ASPH: variants seen among roughly 807,000 people sequenced by gnomAD.
ASPH encodes aspartyl/asparaginyl beta-hydroxylase.
In ASPH, 100 loss-of-function variants were observed where a neutral mutation model predicts 118.4. That is an observed-to-expected ratio of 0.84 (90% CI 0.72 to 1.00). The LOEUF is 1.00. ASPH is among the 50% of genes least tolerant of loss of function. The pLI is 0.00. For missense variants in ASPH, 920 were observed against 919.5 expected, an observed-to-expected ratio of 1.00 and a Z score of -0.01; for synonymous variants, 315 against 325.6, an observed-to-expected ratio of 0.97 and a Z score of 0.35.
At chr8:61,695,983 A>G (rs1021798189) in intron 1 of ASPH, among the ~76,000 whole-genome samples, 2 of 152,232 alleles carry the variant, frequency 1.3e-5, no homozygotes, top group Non-Finnish European at 2.9e-5. Flanking sequence ...ACAAATAGCT[A>G]AGAGAGAGAA....
intron 1 of ASPH, chr8:61,689,965 G>T (rs2151774297): frequency 2.5e-6 from 2 of 805,402 alleles, no homozygotes; most frequent in East Asian, 5.8e-5. Flanking sequence ...CCCACTTACG[G>T]GATTCTTTTC....
chr8:61,585,316 G>A (rs1442300557), intron 14 of ASPH, among the ~76,000 whole-genome samples: 3 of 152,166 alleles, frequency 2.0e-5, no homozygotes, highest in Non-Finnish European at 4.4e-5. Context: ...TGACAAGAGT[G>A]GAAGCTTGAA....
chr8:61,541,413 C>T (rs907280782), intron 21 of ASPH, among the ~76,000 whole-genome samples: 1 of 152,158 alleles, frequency 6.6e-6, no homozygotes, highest in African/African-American at 2.4e-5. Flanking sequence ...CACTCAAGGG[C>T]CAAAATCTGG....
In ASPH at chr8:61,517,351, C is replaced by T. The variant is rs116616245; in HGVS notation, c.2126+177G>A. 2,364 of 882,152 alleles carry T rather than the reference C, an allele frequency of 2.7e-3. 38 individuals are homozygous for T. The African/African-American group carries it at 0.033, about 12-fold the overall frequency. 54.6% of individuals were successfully genotyped at this position (882,152 alleles called of 1,614,324 possible). On this transcript the variant is annotated intron_variant, in intron 24 of 24. Transcript: ENST00000379454. ...CAGCCCTAGAGCTGGGCAATGTCTC[C>T]AGGCTAATAGAAAGCACCAAGAAGG...
At position 61,653,516 on chromosome 8, in the gene ASPH, C is replaced by T. The variant is rs553535140; in HGVS notation, c.415+52G>A. ...AACGTGATTCTGTAAATGCGGATAC[C>T]TGTCAGGCTCTGGCACACCTGGGCG... On this transcript the variant is annotated intron_variant, in intron 4 of 24. Transcript: ENST00000379454. The T allele has an allele frequency of 1.9e-5, 29 of 1,554,278 alleles. No individual in the cohort carries two copies. The South Asian group carries it at 3.0e-4, about 16-fold the overall frequency.
intron 21 of ASPH, among the ~76,000 whole-genome samples, chr8:61,540,697 G>A (rs1821530265): frequency 6.6e-6 from 1 of 152,150 alleles, no homozygotes; most frequent in Admixed American, 6.5e-5. Flanking sequence ...AACCAAAGGG[G>A]AAAACACATA....
intron 1 of ASPH, among the ~76,000 whole-genome samples, chr8:61,695,644 C>T (rs988472528): frequency 2.0e-5 from 3 of 152,232 alleles, no homozygotes; most frequent in Non-Finnish European, 4.4e-5. Flanking sequence ...GCTACTTAGA[C>T]AACTATACAA....
intron 24 of ASPH, among the ~76,000 whole-genome samples, chr8:61,513,046 C>T (rs149687415): frequency 4.1e-4 from 63 of 152,292 alleles, no homozygotes; most frequent in South Asian, 8.3e-4. Context: ...AGCTATGCTA[C>T]GCTTTGCAGG....
intron 15 of ASPH, chr8:61,579,232 C>A: frequency 1.2e-6 from 2 of 1,613,790 alleles, no homozygotes; most frequent in Non-Finnish European, 1.7e-6. Context: ...ATTGCAGATG[C>A]CGAGCAGCGT....
rs187663086 is a variant in ASPH at position 61,502,705 on chromosome 8, C to G, written c.*654G>C. 1.4e-4 allele frequency: 22 copies of G among 152,076 alleles called. No homozygotes were observed. The highest frequency in any genetic ancestry group is 1.2e-3 in the Admixed American group (18 of 15,284). 9.4% of individuals were successfully genotyped at this position (152,076 alleles called of 1,614,324 possible). A position where few individuals can be genotyped will look rare whatever the true frequency, so the allele number is the denominator to read the frequency against. The stretch of plus-strand genomic sequence containing the variant: ...AGCATAGTGAGAAGAGGATCTCAAT[C>G]AAGATAAAAAAAACCAAACGATTTG... On this transcript the variant is annotated 3_prime_UTR_variant, in exon 25 of 25. Transcript: ENST00000379454.
chr8:61,700,813 C>T (rs532218722), intron 1 of ASPH, among the ~76,000 whole-genome samples: 264 of 152,278 alleles, frequency 1.7e-3, no homozygotes, highest in African/African-American at 6.0e-3. Context: ...ACATCATCAC[C>T]TTGTTTGTAT....
chr8:61,702,378 G>A (rs370841842), intron 1 of ASPH, among the ~76,000 whole-genome samples: 11 of 147,916 alleles, frequency 7.4e-5, no homozygotes, highest in African/African-American at 2.8e-4. Context: ...TCCGCCTCCC[G>A]GGTTCACGCC....
chr8:61,666,349 T>G (rs1819607988), intron 3 of ASPH, among the ~76,000 whole-genome samples: 1 of 152,224 alleles, frequency 6.6e-6, no homozygotes, highest in East Asian at 1.9e-4. Context: ...TGGAAGGTAT[T>G]GCTTTCAACT....
chr8:61,517,307 G>A (rs915569496), intron 24 of ASPH: 21 of 548,590 alleles, frequency 3.8e-5, no homozygotes, highest in African/African-American at 1.1e-4. Flanking sequence ...GTACTCTGCC[G>A]AGAAATAATG....
At chr8:61,622,087 C>T (rs1432530537) in intron 13 of ASPH, among the ~76,000 whole-genome samples, 1 of 152,192 alleles carries the variant, frequency 6.6e-6, no homozygotes, top group Non-Finnish European at 1.5e-5. Flanking sequence ...TGCCTGTAAT[C>T]CCAGCAGTTT....
chr8:61,586,883 A>ACTGAG (rs1222914939), intron 14 of ASPH, among the ~76,000 whole-genome samples: 1 of 152,160 alleles, frequency 6.6e-6, no homozygotes, highest in Non-Finnish European at 1.5e-5. Flanking sequence ...GAGCATGCAC[A>ACTGAG]CTGAGCTGAG....
chr8:61,651,467 G>A (rs1810940625), intron 4 of ASPH: 1 of 201,902 alleles, frequency 5.0e-6, no homozygotes, highest in Non-Finnish European at 9.9e-6. Flanking sequence ...AAAATAAAGT[G>A]GGAAGAACAA....
intron 13 of ASPH, chr8:61,623,663 C>A (rs1243972804): frequency 1.3e-5 from 2 of 152,084 alleles, no homozygotes; most frequent in Admixed American, 6.5e-5. Context: ...CTTAGCAATC[C>A]CACTGCTAGG....
At chr8:61,639,154 A>C (rs1230583118) in intron 10 of ASPH, among the ~76,000 whole-genome samples, 1 of 152,096 alleles carries the variant, frequency 6.6e-6, no homozygotes, top group Non-Finnish European at 1.5e-5. Flanking sequence ...ATGTGTGCTC[A>C]CTCTGTTGCC....
Sources: allele counts gnomAD v4.1 joint callset (sites outside exome capture counted in the v4.1 genomes callset), GRCh38; gene constraint gnomAD v4.1.1; transcripts MANE v1.5; gene names NCBI Gene and HGNC (gene_info 2026-07-23, HGNC 2026-07-21).